Variants in APP observed in about 807,000 individuals in gnomAD.
APP encodes the protein amyloid-beta precursor protein.
A neutral mutation model predicts 101.4 loss-of-function variants in APP; 31 were observed. The observed-to-expected ratio is 0.31, with a 90% CI of 0.23 to 0.41. The LOEUF is 0.41. Among genes scored for constraint, APP ranks in the 10% least tolerant of loss-of-function variants. The pLI is 1.00. For missense variants in APP, 839 were observed against 1,003.7 expected (o/e 0.84, Z 2.22); for synonymous variants, 366 against 364.4 (o/e 1.00, Z -0.05).
intron 15 of APP, among the ~76,000 whole-genome samples, chr21:25,904,277 C>T (rs1205102854): frequency 6.6e-6 from 1 of 152,126 alleles, no homozygotes; most frequent in Admixed American, 6.5e-5. Flanking sequence ...ACACCAGGCA[C>T]ATATATGCTT....
At chr21:25,936,332 T>C (rs1378888458) in intron 13 of APP, among the ~76,000 whole-genome samples, 1 of 152,198 alleles carries the variant, frequency 6.6e-6, no homozygotes, top group Admixed American at 6.5e-5. Context: ...GGCAGGTGGA[T>C]CACCTGAGGT....
chr21:26,071,936 C>T (rs1253493334), intron 3 of APP, among the ~76,000 whole-genome samples: 2 of 152,224 alleles, frequency 1.3e-5, no homozygotes, highest in African/African-American at 4.8e-5. Context: ...TCCCCACTCA[C>T]GCTATTACAC....
At chr21:25,929,204 A>T (rs1307293316) in intron 13 of APP, among the ~76,000 whole-genome samples, 1 of 152,150 alleles carries the variant, frequency 6.6e-6, no homozygotes, top group Non-Finnish European at 1.5e-5. Flanking sequence ...TTCTCTCTTC[A>T]AATCTGACTT....
intron 8 of APP, among the ~76,000 whole-genome samples, chr21:25,994,731 C>T (rs1387601074): frequency 6.6e-6 from 1 of 152,232 alleles, no homozygotes; most frequent in African/African-American, 2.4e-5. Flanking sequence ...GTTGCCCAGT[C>T]TAACAGGCTT....
intron 1 of APP, among the ~76,000 whole-genome samples, chr21:26,166,969 G>T (rs1320732934): frequency 2.7e-5 from 4 of 149,018 alleles, no homozygotes; most frequent in Non-Finnish European, 6.0e-5. Context: ...TGTCTGTCTG[G>T]TAGAGGCAGA....
chr21:25,970,989 C>T (rs567311483), intron 11 of APP, among the ~76,000 whole-genome samples: 71 of 152,208 alleles, frequency 4.7e-4, no homozygotes, highest in African/African-American at 1.6e-3. Flanking sequence ...GTGAGAAGAA[C>T]TGGATTTACC....
intron 6 of APP, among the ~76,000 whole-genome samples, chr21:26,007,181 ACT>A (rs2043567666): frequency 6.6e-6 from 1 of 151,610 alleles, no homozygotes. Flanking sequence ...CCTATCTTGA[ACT>A]CTTTTTCTCC....
At chr21:26,131,257 T>A (rs7282037) in intron 1 of APP, among the ~76,000 whole-genome samples, 123 of 151,644 alleles carry the variant, frequency 8.1e-4, no homozygotes, top group African/African-American at 2.0e-3. Context: ...ATAAATAAAT[T>A]AATTAATTAA....
chr21:25,907,125 T>C (rs2146303557), intron 14 of APP, among the ~76,000 whole-genome samples: 1 of 152,208 alleles, frequency 6.6e-6, no homozygotes, highest in South Asian at 2.1e-4. Context: ...TAAGTTTCTC[T>C]GCCTCTCCCC....
chr21:26,079,794 T>C (rs1021619739), intron 3 of APP, among the ~76,000 whole-genome samples: 8 of 152,228 alleles, frequency 5.3e-5, no homozygotes, highest in African/African-American at 1.9e-4. Flanking sequence ...TCTTAGTCTG[T>C]TTCTCCCTAT....
intron 8 of APP, among the ~76,000 whole-genome samples, chr21:25,990,517 A>T (rs1202930595): frequency 6.6e-6 from 1 of 152,188 alleles, no homozygotes; most frequent in Non-Finnish European, 1.5e-5. Context: ...GCTATTCTTG[A>T]CTTCGTTAAT....
chr21:25,881,653 G>A lies in APP; in HGVS notation c.*17C>T, dbSNP rs1278165273. The A allele has an allele frequency of 6.2e-6, 10 of 1,611,066 alleles. No homozygotes were observed. Among genetic ancestry groups the A allele is most frequent in the African/African-American group, 1.3e-5 (1 of 74,830 alleles). ...ATGGTTTTGCTGTCCAACTTCAGAGGCTGCTGTGGCGGGGGTCTAGTTCTG... is the reference window on the plus strand; with the variant it reads ...ATGGTTTTGCTGTCCAACTTCAGAGACTGCTGTGGCGGGGGTCTAGTTCTG... On this transcript the variant is annotated 3_prime_UTR_variant, in exon 18 of 18. Coordinates refer to ENST00000346798, the MANE Select transcript of APP (RefSeq NM_000484.4).
chr21:26,036,630 T>G (rs190249581), intron 5 of APP, among the ~76,000 whole-genome samples: 105 of 152,272 alleles, frequency 6.9e-4, no homozygotes, highest in Non-Finnish European at 5.9e-4. Flanking sequence ...AGCCAAAGAT[T>G]GCAGATGTCC....
chr21:26,120,807 C>G (rs748833947), intron 1 of APP, among the ~76,000 whole-genome samples: 6 of 152,110 alleles, frequency 3.9e-5, no homozygotes, highest in East Asian at 1.9e-4. Context: ...AAATAGACCC[C>G]GTTCCTGCTC....
rs553146391 is a variant in APP, at chr21:26,140,173, A to G, written c.58-28027T>C. The G allele has an allele frequency of 7.2e-5, 111 of 1,535,982 alleles. 1 individual carries two copies. The Admixed American group carries it at 2.1e-3, about 29-fold the overall frequency. On this transcript the variant is annotated intron_variant, in intron 1 of 17. Coordinates refer to ENST00000346798, the MANE Select transcript of APP (RefSeq NM_000484.4). Reference sequence around the variant, plus strand: ...CTTACATAGTTGATAAACAGAACCAACAAGTCCTCTAATTGGTCCATTTGA... The same window carrying G: ...CTTACATAGTTGATAAACAGAACCAGCAAGTCCTCTAATTGGTCCATTTGA...
intron 1 of APP, among the ~76,000 whole-genome samples, chr21:26,159,122 G>T (rs2063433498): frequency 6.6e-6 from 1 of 150,726 alleles, no homozygotes. Context: ...TCGCTCTGTT[G>T]CCTAGGCTGG....
At chr21:26,002,391 CCATCAACTATAGCCAGCAG>C (rs2043337069) in intron 6 of APP, among the ~76,000 whole-genome samples, 1 of 152,206 alleles carries the variant, frequency 6.6e-6, no homozygotes. Context: ...ATTGTGGATC[CCATCAACTATAGCCAGCAG>C]TGGTCTCTGC....
intron 11 of APP, among the ~76,000 whole-genome samples, chr21:25,965,787 G>A (rs538167018): frequency 4.0e-4 from 61 of 152,124 alleles, no homozygotes; most frequent in African/African-American, 6.0e-4. Flanking sequence ...ATCTTTAAAT[G>A]TGCTATTTGT....
rs961512607 is a variant in APP, at chr21:25,905,172, T to C, written c.1910-95A>G. On this transcript the variant is annotated intron_variant, in intron 14 of 17. Coordinates refer to ENST00000346798, the MANE Select transcript of APP (RefSeq NM_000484.4). ...ACATAGTCGAGCAGGGAAAAAAGCA[T>C]ATGCAATAAACAAGTTACAAAAAAG... 4.8e-6 allele frequency: 5 copies of C among 1,037,412 alleles called. No individual in the cohort carries two copies. In the African/African-American group the frequency reaches 7.9e-5, roughly 16 times the overall value. The allele number at this position is 1,037,412 out of a possible 1,614,324, so 64.3% of individuals were successfully genotyped here. A position where few individuals can be genotyped will look rare whatever the true frequency, so the allele number is the denominator to read the frequency against.
Sources: gnomAD v4.1 joint callset for allele counts (sites outside exome capture counted in the v4.1 genomes callset) on GRCh38, gnomAD v4.1.1 for gene constraint, MANE v1.5 for transcripts, NCBI Gene and HGNC (gene_info 2026-07-23, HGNC 2026-07-21) for gene names.